Variants in MBNL1 observed in about 807,000 individuals in gnomAD.
MBNL1 encodes muscleblind-like protein 1.
MBNL1 carries 8 observed loss-of-function variants against 42.2 expected under a neutral mutation model. The ratio of observed to expected loss-of-function variants is 0.19; its 90% CI spans 0.11 to 0.34. The LOEUF is 0.34. MBNL1 is among the 10% of genes least tolerant of loss of function. MBNL1 has a pLI of 1.00. For missense variants in MBNL1, 309 were observed against 495.3 expected (o/e 0.62, Z 3.57); for synonymous variants, 169 against 173.9 (o/e 0.97, Z 0.22).
At chr3:152,279,093 T>G (rs961989815) in intron 1 of MBNL1, among the ~76,000 whole-genome samples, 1 of 152,032 alleles carries the variant, frequency 6.6e-6, no homozygotes, top group Non-Finnish European at 1.5e-5. Flanking sequence ...AGTGACATAG[T>G]AAGAATAAGG....
intron 2 of MBNL1, among the ~76,000 whole-genome samples, chr3:152,305,491 T>C (rs972369829): frequency 2.0e-5 from 3 of 151,622 alleles, no homozygotes; most frequent in South Asian, 2.1e-4. Flanking sequence ...AATTTGAATT[T>C]TTTTTTTTTT....
At chr3:152,338,253 A>G (rs2091822934) in intron 2 of MBNL1, 1 of 985,214 alleles carries the variant, frequency 1.0e-6, no homozygotes, top group East Asian at 1.1e-4. Context: ...ATTCTTTTCA[A>G]GCACTACCTG....
chr3:152,269,517 C>T, intron 1 of MBNL1: 1 of 455,308 alleles, frequency 2.2e-6, no homozygotes. Context: ...TCCCTGGCCC[C>T]GGGGCTGCCA....
chr3:152,447,727 T>G lies in MBNL1; in HGVS notation c.915T>G (p.Ala305=). The change falls in exon 6 of 10, where the codon GCT becomes GCG. Residue 305 remains alanine, a synonymous_variant. Coordinates refer to ENST00000324210, the MANE Select transcript of MBNL1 (RefSeq NM_021038.5). ...CTGGTATTTTCCAATACCAACAGGC[T>G]CTAGCCAACATGCAGTTACAACAGC... ...FNTGIFQYQQ[A]LANMQLQQHT... is the part of the protein sequence containing the mutation. 1 of 1,613,844 alleles carries G rather than the reference T, an allele frequency of 6.2e-7. No individual in the cohort carries two copies. The highest frequency in any genetic ancestry group is 8.5e-7 in the Non-Finnish European group (1 of 1,179,806).
At chr3:152,295,534 A>G (rs1205021327) in intron 1 of MBNL1, among the ~76,000 whole-genome samples, 1 of 152,168 alleles carries the variant, frequency 6.6e-6, no homozygotes, top group African/African-American at 2.4e-5. Context: ...CAAACATTTT[A>G]AAAAAAGATC....
chr3:152,360,017 AC>A (rs1197825564), intron 2 of MBNL1, among the ~76,000 whole-genome samples: 1 of 152,234 alleles, frequency 6.6e-6, no homozygotes, highest in Non-Finnish European at 1.5e-5. Context: ...TGCCCAGGAT[AC>A]CTGTTAGACA....
At chr3:152,346,106 G>A (rs1043001038) in intron 2 of MBNL1, among the ~76,000 whole-genome samples, 27 of 152,106 alleles carry the variant, frequency 1.8e-4, no homozygotes, top group Non-Finnish European at 3.2e-4. Context: ...TAGTCAAGAT[G>A]TCAAATGCCA....
At chr3:152,433,618 C>T (rs887404565) in intron 4 of MBNL1, among the ~76,000 whole-genome samples, 3 of 151,790 alleles carry the variant, frequency 2.0e-5, no homozygotes, top group Admixed American at 6.6e-5. Flanking sequence ...GGCGTGGTAG[C>T]GGGCGCCTGT....
intron 2 of MBNL1, chr3:152,340,524 T>C (rs761606236): frequency 6.3e-7 from 1 of 1,582,696 alleles, no homozygotes; most frequent in Non-Finnish European, 8.6e-7. Flanking sequence ...AGTTGGGAGA[T>C]TTTTAATTCT....
At position 152,269,067 on chromosome 3, in the gene MBNL1, C is replaced by T. The variant is rs1213777173; in HGVS notation, c.-815C>T. On this transcript the variant is annotated 5_prime_UTR_variant, in exon 1 of 10. Transcript: ENST00000324210. ...CTTGGGCACTTGGTCGACAGTGGGGCCGCCTCTGAAAAAAAAATGTGAGAG... is the reference window on the plus strand; with the variant it reads ...CTTGGGCACTTGGTCGACAGTGGGGTCGCCTCTGAAAAAAAAATGTGAGAG... 2 of 454,636 alleles carry T rather than the reference C, an allele frequency of 4.4e-6. No individual in the cohort carries two copies. The highest frequency in any genetic ancestry group is 8.8e-6 in the Non-Finnish European group (2 of 226,520). The allele number at this position is 454,636 out of a possible 1,614,324, so 28.2% of individuals were successfully genotyped here.
chr3:152,418,872 G>A (rs981779251), intron 3 of MBNL1, among the ~76,000 whole-genome samples: 3 of 151,858 alleles, frequency 2.0e-5, no homozygotes, highest in Admixed American at 6.6e-5. Flanking sequence ...GCCCGCCCCC[G>A]TGCCCGGCTA....
chr3:152,431,159 G>T (rs991092486), intron 3 of MBNL1, among the ~76,000 whole-genome samples: 1 of 152,112 alleles, frequency 6.6e-6, no homozygotes, highest in Admixed American at 6.5e-5. Flanking sequence ...TTTGGGGCTG[G>T]ATAATTCTTT....
At chr3:152,353,913 T>C (rs1348981487) in intron 2 of MBNL1, among the ~76,000 whole-genome samples, 1 of 152,128 alleles carries the variant, frequency 6.6e-6, no homozygotes, top group African/African-American at 2.4e-5. Context: ...TTATCTTCTT[T>C]TTGGTGAGTA....
At chr3:152,259,638 C>T (rs920207722) in intron 2 of MBNL1, among the ~76,000 whole-genome samples, 3 of 152,168 alleles carry the variant, frequency 2.0e-5, no homozygotes, top group Admixed American at 6.5e-5. Context: ...ACTGCAACAG[C>T]AAGAGCATAG....
intron 1 of MBNL1, 32 bp downstream of exon 1, chr3:152,269,124 C>A (rs1043678314): frequency 1.6e-5 from 7 of 447,358 alleles, no homozygotes; most frequent in African/African-American, 4.0e-5. Context: ...TTCCCCGCGC[C>A]GCTTCATTGT....
intron 1 of MBNL1, among the ~76,000 whole-genome samples, chr3:152,286,481 A>ATT (rs2052197775): frequency 7.2e-6 from 1 of 138,160 alleles, no homozygotes. Context: ...TTATAATATA[A>ATT]ATATATTTTA....
chr3:152,426,536 A>C (rs865961184), intron 3 of MBNL1, among the ~76,000 whole-genome samples: 25 of 152,296 alleles, frequency 1.6e-4, no homozygotes, highest in Admixed American at 2.6e-4. Context: ...TCTTTAGTGC[A>C]TCCCAGCCAA....
At chr3:152,365,531 A>T (rs904487110) in intron 2 of MBNL1, among the ~76,000 whole-genome samples, 1 of 152,104 alleles carries the variant, frequency 6.6e-6, no homozygotes, top group Non-Finnish European at 1.5e-5. Flanking sequence ...TACCTAACTA[A>T]ATTCAGAGGT....
chr3:152,364,527 A>G (rs2096237304), intron 2 of MBNL1, among the ~76,000 whole-genome samples: 1 of 152,106 alleles, frequency 6.6e-6, no homozygotes, highest in South Asian at 2.1e-4. Context: ...CTCAGGTGAT[A>G]TATTAATCAG....
Sources: gnomAD v4.1 joint callset for allele counts (sites outside exome capture counted in the v4.1 genomes callset) on GRCh38, gnomAD v4.1.1 for gene constraint, MANE v1.5 for transcripts, NCBI Gene and HGNC (gene_info 2026-07-23, HGNC 2026-07-21) for gene names.